Variants in COCH observed in about 807,000 individuals in gnomAD.
COCH encodes coagulation factor C homolog, cochlin (Limulus polyphemus).
Under a neutral mutation model 54.8 loss-of-function variants are expected in COCH, and 40 were observed. The ratio of observed to expected loss-of-function variants is 0.73; its 90% CI spans 0.57 to 0.95. COCH has a LOEUF of 0.95. Ranked by LOEUF, COCH falls within the 40% of genes least tolerant of loss-of-function variation. The pLI is 0.00. For missense variants in COCH, 605 were observed against 675.0 expected, an observed-to-expected ratio of 0.90 and a Z score of 1.15; for synonymous variants, 256 against 237.9, an observed-to-expected ratio of 1.08 and a Z score of -0.70.
chr14:30,888,792 GAAAAAA>G (rs34664716), intron 11 of COCH, among the ~76,000 whole-genome samples: 1 of 126,728 alleles, frequency 7.9e-6, no homozygotes, highest in South Asian at 2.6e-4. Context: ...CCCTGTCTGA[GAAAAAA>G]AAAAAAAAAA....
At chr14:30,879,704 TGCAATCATA>T (rs1846187141) in intron 6 of COCH, among the ~76,000 whole-genome samples, 1 of 152,220 alleles carries the variant, frequency 6.6e-6, no homozygotes, top group Non-Finnish European at 1.5e-5. Context: ...AGTACAGTGG[TGCAATCATA>T]GCTCACTGCA....
chr14:30,889,457 G>A (rs1041718273), intron 11 of COCH, 159 bp from the exon 12 acceptor site: 2 of 666,758 alleles, frequency 3.0e-6, no homozygotes, highest in Admixed American at 2.5e-5. Flanking sequence ...TCGTCACAAT[G>A]ACTGTGAAAA....
intron 8 of COCH, among the ~76,000 whole-genome samples, chr14:30,881,162 C>T (rs1419539539): frequency 6.7e-6 from 1 of 149,642 alleles, no homozygotes; most frequent in Non-Finnish European, 1.5e-5. Context: ...TTACAATGAG[C>T]CGAGATTGCA....
rs772714921 is a variant in COCH, at chr14:30,879,506, C to T, written c.436+21C>T. 23 of 1,611,504 alleles carry T rather than the reference C, an allele frequency of 1.4e-5. No individual in the cohort carries two copies. In the Admixed American group the frequency reaches 3.7e-4, roughly 26 times the overall value. On this transcript the variant is annotated intron_variant, in intron 6 of 11. Transcript: ENST00000396618. ...AACAGGTATGAACTATGAAACCTAT[C>T]TCCTAGTTGCCCGGCACAGCATTTG...
At chr14:30,895,382 A>G, downstream of COCH, 3 of 1,575,182 alleles carry the variant, frequency 1.9e-6, no homozygotes, top group Non-Finnish European at 2.6e-6. Context: ...GTCCAAGCAA[A>G]TCTTGTTACG....
In COCH at chr14:30,874,593, T is replaced by G; in HGVS notation, c.-24+2T>G. 1 of 468,270 alleles carries G rather than the reference T, an allele frequency of 2.1e-6. No homozygotes were observed. 29.0% of individuals were successfully genotyped at this position (468,270 alleles called of 1,614,324 possible). ...CGCAGCCGGGTGGATCTCGAGCAGG[T>G]GCGGAGCCCCGGGCGGCGGGCGCGG... is the stretch of plus-strand genomic sequence containing the variant. On this transcript the variant is annotated splice_donor_variant, in intron 1 of 11. Coordinates refer to ENST00000396618, the MANE Select transcript of COCH (RefSeq NM_004086.3). LOFTEE classifies it low-confidence loss of function (5UTR_SPLICE).
At position 30,877,795 on chromosome 14, in the gene COCH, A is replaced by G; in HGVS notation, c.239+67A>G. On this transcript the variant is annotated intron_variant, in intron 4 of 11. Transcript: ENST00000396618. This position sits in a 1 kb window ranked among gnomAD's most constrained non-coding sequence, Gnocchi z 8.6. The stretch of plus-strand genomic sequence containing the variant: ...GATTATTTCCTTTCCTGCTTTACCC[A>G]TCTGGATCCCTTTCCTCCCTGCATT... The G allele has an allele frequency of 6.2e-7, 1 of 1,606,666 alleles. No homozygotes were observed. Among genetic ancestry groups the G allele is most frequent in the South Asian group, 1.1e-5 (1 of 90,602 alleles).
chr14:30,887,734 C>T (rs1895840085), intron 11 of COCH, among the ~76,000 whole-genome samples: 1 of 152,206 alleles, frequency 6.6e-6, no homozygotes, highest in South Asian at 2.1e-4. Context: ...GTACCTCTGC[C>T]AATGTACTCA....
At chr14:30,875,269 A>G in intron 3 of COCH, 166 bp downstream of exon 3, 1 of 950,334 alleles carries the variant, frequency 1.1e-6, no homozygotes, top group Non-Finnish European at 1.6e-6. Flanking sequence ...CCTGCAGCCG[A>G]TCTGCTCCTG....
Position 30,875,048 on chromosome 14 carries a change from C to T in COCH, c.35-8C>T. On this transcript the variant is annotated splice_polypyrimidine_tract_variant and splice_region_variant and intron_variant, in intron 2 of 11. Coordinates refer to ENST00000396618, the MANE Select transcript of COCH (RefSeq NM_004086.3). ...CTGGAGCCAGCCCTCACGCTTCTCT[C>T]TTCGCAGGTGTGTGTCTGCTGCTGC... The T allele has an allele frequency of 6.2e-7, 1 of 1,611,584 alleles. No individual in the cohort carries two copies. The highest frequency in any genetic ancestry group is 1.1e-5 in the South Asian group (1 of 90,888).
At position 30,879,421 on chromosome 14, in the gene COCH, A is replaced by C. The variant is rs752648329; in HGVS notation, c.374-2A>C. The C allele has an allele frequency of 8.1e-6, 13 of 1,613,958 alleles. No homozygotes were observed. In the South Asian group the frequency reaches 1.2e-4, roughly 15 times the overall value. On this transcript the variant is annotated splice_acceptor_variant, in intron 5 of 11. Coordinates refer to ENST00000396618, the MANE Select transcript of COCH (RefSeq NM_004086.3). LOFTEE classifies it high-confidence loss of function. ...AAAATAAGCTTATTTTTATTTTAAC[A>C]GAAGGCAAAAGTAGTACACAGGAGG...
Position 30,877,714 on chromosome 14 carries a change from G to A in COCH, c.225G>A (p.Gly75=), listed in dbSNP as rs748904202. ...ATGCTTCTGTATCGAGCATATGTGGGGCTGCTGTCCACAGGTAAGCCCAAA... is the reference window on the plus strand; with the variant it reads ...ATGCTTCTGTATCGAGCATATGTGGAGCTGCTGTCCACAGGTAAGCCCAAA... ...IVYASVSSIC[G]AAVHRGVISN... Residue 75 remains glycine (G), a synonymous_variant, in exon 4 of 12, where the codon GGG becomes GGA. Transcript: ENST00000396618. This position sits in a 1 kb window ranked among gnomAD's most constrained non-coding sequence, Gnocchi z 8.6. 4 of 1,614,054 alleles carry A rather than the reference G, an allele frequency of 2.5e-6. No homozygotes were observed. The highest frequency in any genetic ancestry group is 3.3e-5 in the Admixed American group (2 of 59,998).
In COCH at chr14:30,890,519, T is replaced by C. The variant is rs1594392627; in HGVS notation, c.*728T>C. 1 of 933,286 alleles carries C rather than the reference T, an allele frequency of 1.1e-6. No homozygotes were observed. Among genetic ancestry groups the C allele is most frequent in the Non-Finnish European group, 1.3e-6 (1 of 782,234 alleles). The allele number at this position is 933,286 out of a possible 1,614,324, so 57.8% of individuals were successfully genotyped here. A position where few individuals can be genotyped will look rare whatever the true frequency, so the allele number is the denominator to read the frequency against. ...TTAAGTTGGTAAAGTATTTACTGACTGCTTATAAACATTTAAAGACAAAGA... is the reference window on the plus strand; with the variant it reads ...TTAAGTTGGTAAAGTATTTACTGACCGCTTATAAACATTTAAAGACAAAGA... On this transcript the variant is annotated 3_prime_UTR_variant, in exon 12 of 12. Coordinates refer to ENST00000396618, the MANE Select transcript of COCH (RefSeq NM_004086.3).
chr14:30,878,213 G>A (rs1046033897), intron 4 of COCH, among the ~76,000 whole-genome samples: 2 of 152,230 alleles, frequency 1.3e-5, no homozygotes, highest in Non-Finnish European at 2.9e-5. Flanking sequence ...TGTAGCTAAA[G>A]TGAGTATCTT....
chr14:30,875,477 G>T (rs1237491174), intron 3 of COCH: 5 of 524,116 alleles, frequency 9.5e-6, no homozygotes, highest in African/African-American at 2.0e-5. Context: ...GCTCTGCTGC[G>T]TTTGGGGGTG....
chr14:30,886,086 G>A lies in COCH; in HGVS notation c.1251G>A (p.Thr417=), dbSNP rs549957619. ...AAVQFTYDQR[T]EFSFTDYSTK... is the part of the protein sequence containing the mutation. ...TACAGTTTACTTATGATCAGCGCAC[G>A]GAGTTCAGTTTCACTGACTATAGCA... The change falls in exon 11 of 12, where the codon ACG becomes ACA. Residue 417 remains threonine (T), a synonymous_variant. Coordinates refer to ENST00000396618, the MANE Select transcript of COCH (RefSeq NM_004086.3). The A allele has an allele frequency of 2.3e-4, 374 of 1,614,196 alleles. 3 individuals are homozygous for A. The highest frequency in any genetic ancestry group is 2.2e-3 in the Admixed American group (134 of 60,018).
chr14:30,874,963 C>T lies in COCH; in HGVS notation c.25C>T (p.Leu9Phe). The change falls in exon 2 of 12, where the codon CTC (leucine) becomes TTC (phenylalanine). Residue 9 changes from leucine to phenylalanine, a missense_variant. Transcript: ENST00000396618. MSAAWIPALGLGVCLLLLP... is the reference protein window; with the variant it reads MSAAWIPAFGLGVCLLLLP... ...CATGTCCGCAGCCTGGATCCCGGCT[C>T]TCGGCCTCGGTGGGTGCGCGCCCCT... 6.2e-7 allele frequency: 1 copy of T among 1,613,502 alleles called. No homozygotes were observed. The highest frequency in any genetic ancestry group is 8.5e-7 in the Non-Finnish European group (1 of 1,179,842).
Position 30,890,159 on chromosome 14 carries a change from C to T in COCH, c.*368C>T, listed in dbSNP as rs1432502906. 1 of 1,004,664 alleles carries T rather than the reference C, an allele frequency of 1.0e-6. No homozygotes were observed. Among genetic ancestry groups the T allele is most frequent in the African/African-American group, 1.7e-5 (1 of 57,670 alleles). The allele number at this position is 1,004,664 out of a possible 1,614,324, so 62.2% of individuals were successfully genotyped here. A position where few individuals can be genotyped will look rare whatever the true frequency, so the allele number is the denominator to read the frequency against. On this transcript the variant is annotated 3_prime_UTR_variant, in exon 12 of 12. Transcript: ENST00000396618. ...CCAAAAGCAACATTCGTTCTCTAAC[C>T]ATTCTGTATTGATTATATAAGCAAA...
At chr14:30,876,987 TAGAAG>T (rs969249181) in intron 3 of COCH, among the ~76,000 whole-genome samples, 2 of 151,916 alleles carry the variant, frequency 1.3e-5, no homozygotes, top group Non-Finnish European at 2.9e-5. Flanking sequence ...TTTTTTTTTT[TAGAAG>T]AGATGAGGTC....
Sources: gnomAD v4.1 joint callset for allele counts (sites outside exome capture counted in the v4.1 genomes callset) on GRCh38, gnomAD v4.1.1 for gene constraint, Gnocchi (gnomAD v3.1) non-coding constraint, MANE v1.5 for transcripts, NCBI Gene and HGNC (gene_info 2026-07-23, HGNC 2026-07-21) for gene names.